TRPM3: variants seen among roughly 807,000 people sequenced by gnomAD.
The protein encoded by TRPM3 is transient receptor potential cation channel subfamily M member 3, also known as long transient receptor potential channel 3.
TRPM3 carries 77 observed loss-of-function variants against 181.2 expected under a neutral mutation model. The ratio of observed to expected loss-of-function variants is 0.42; its 90% confidence interval spans 0.35 to 0.51. The LOEUF (loss-of-function observed/expected upper bound fraction) is 0.51. Among genes scored for constraint, TRPM3 ranks in the 20% least tolerant of loss-of-function variants. TRPM3 has a pLI of 0.01. For synonymous variants in TRPM3, 745 were observed against 796.4 expected (o/e 0.94, Z 1.09); for missense variants, 1,759 against 2,196.7 (o/e 0.80, Z 3.98).
At chr9:71,225,481 G>C (rs1457956717) in intron 1 of TRPM3, among the ~76,000 whole-genome samples, 1 of 152,004 alleles carries the variant, frequency 6.6e-6, no homozygotes, top group African/African-American at 2.4e-5. Flanking sequence ...AAATACTAAA[G>C]AAAGTAGTTC....
At chr9:71,393,847 G>A (rs554717666) in intron 1 of TRPM3, among the ~76,000 whole-genome samples, 7 of 152,176 alleles carry the variant, frequency 4.6e-5, no homozygotes, top group East Asian at 3.9e-4. Context: ...ACATCTCAAC[G>A]TCACAGTTAA....
chr9:71,313,849 G>A (rs2132418572), intron 1 of TRPM3, among the ~76,000 whole-genome samples: 1 of 152,226 alleles, frequency 6.6e-6, no homozygotes, highest in African/African-American at 2.4e-5. Flanking sequence ...AATATTGAAA[G>A]AGTATAATGA....
intron 1 of TRPM3, among the ~76,000 whole-genome samples, chr9:71,048,811 ACC>A (rs1203465534): frequency 6.6e-6 from 1 of 152,130 alleles, no homozygotes; most frequent in Non-Finnish European, 1.5e-5. Context: ...GCAAAACCTC[ACC>A]TGGATGCTGA....
At chr9:71,353,385 A>G (rs942228425) in intron 1 of TRPM3, among the ~76,000 whole-genome samples, 26 of 152,058 alleles carry the variant, frequency 1.7e-4, no homozygotes, top group African/African-American at 6.0e-4. Flanking sequence ...TGGTTGAGTA[A>G]ATGGGTGAAT....
intron 1 of TRPM3, among the ~76,000 whole-genome samples, chr9:71,209,380 G>GGA (rs372185956): frequency 0.49 from 54,379 of 110,082 alleles, 12,080 homozygotes; most frequent in South Asian, 0.6. Context: ...GGGAGAAGAG[G>GGA]GGGTAGGGAG....
chr9:70,605,270 A>T (rs897822849), intron 19 of TRPM3, among the ~76,000 whole-genome samples: 1 of 152,116 alleles, frequency 6.6e-6, no homozygotes, highest in East Asian at 1.9e-4. Context: ...TAGAGTCTTA[A>T]TATGACTCCA....
chr9:71,162,448 A>G (rs1216329051), intron 1 of TRPM3, among the ~76,000 whole-genome samples: 1 of 152,048 alleles, frequency 6.6e-6, no homozygotes, highest in Non-Finnish European at 1.5e-5. Flanking sequence ...GTTTTTCTGT[A>G]TCATGCATTT....
chr9:70,773,577 TAA>T (rs1564216021), intron 7 of TRPM3, among the ~76,000 whole-genome samples: 1 of 152,106 alleles, frequency 6.6e-6, no homozygotes, highest in African/African-American at 2.4e-5. Flanking sequence ...GGGACAAATA[TAA>T]GTGTCTCTAT....
intron 1 of TRPM3, among the ~76,000 whole-genome samples, chr9:71,336,099 G>T (rs2090538548): frequency 1.3e-5 from 2 of 149,624 alleles, no homozygotes; most frequent in Admixed American, 6.7e-5. Context: ...CAAAATAATA[G>T]AACTCATTCT....
intron 1 of TRPM3, among the ~76,000 whole-genome samples, chr9:71,389,810 C>A (rs2093018203): frequency 6.6e-6 from 1 of 151,916 alleles, no homozygotes. Context: ...AAAAATGATA[C>A]AAAGGATTCT....
Position 70,639,075 on chromosome 9 carries a change from C to G in TRPM3, c.1566G>C (p.Glu522Asp). 1.9e-6 allele frequency: 3 copies of G among 1,613,800 alleles called. No homozygotes were observed. Among genetic ancestry groups the G allele is most frequent in the Non-Finnish European group, 2.5e-6 (3 of 1,179,850 alleles). ...TTGGCCCTACCGTATTGTACAATTC[C>G]TCTAGTCTGGAGATGGTGAGAAAAC... ...MHRFLTISRL[E>D]ELYNTRHGPS... is the part of the protein sequence containing the mutation. Residue 522 changes from glutamate to aspartate, a missense_variant, in exon 11 of 26, where the codon GAG (glutamate) becomes GAC (aspartate). This residue lies in a region of TRPM3 where 737 missense variants were observed against 957.4 expected (regional missense o/e 0.77). Coordinates refer to ENST00000677713, the MANE Select transcript of TRPM3 (RefSeq NM_001366145.2).
chr9:70,821,604 C>T (rs906667018), intron 6 of TRPM3, among the ~76,000 whole-genome samples: 2 of 152,100 alleles, frequency 1.3e-5, no homozygotes, highest in African/African-American at 4.8e-5. Context: ...TTATTATGAA[C>T]CTGTTTACTT....
At chr9:71,029,980 C>G (rs912693114) in intron 1 of TRPM3, among the ~76,000 whole-genome samples, 1 of 152,166 alleles carries the variant, frequency 6.6e-6, no homozygotes, top group African/African-American at 2.4e-5. Flanking sequence ...CGTGAAATCA[C>G]ATATTGAGGA....
At chr9:71,130,186 A>G (rs2074284025) in intron 1 of TRPM3, among the ~76,000 whole-genome samples, 1 of 152,168 alleles carries the variant, frequency 6.6e-6, no homozygotes, top group Non-Finnish European at 1.5e-5. Context: ...TTTCAGAGCT[A>G]TGTTTTGAAT....
At chr9:70,553,699 A>G (rs1208061482) in intron 22 of TRPM3, among the ~76,000 whole-genome samples, 1 of 152,260 alleles carries the variant, frequency 6.6e-6, no homozygotes, top group Admixed American at 6.5e-5. Context: ...AGTTACTTTC[A>G]AAATGTGCTG....
chr9:71,185,086 C>T (rs780719542), intron 1 of TRPM3, among the ~76,000 whole-genome samples: 2 of 152,032 alleles, frequency 1.3e-5, no homozygotes, highest in Non-Finnish European at 2.9e-5. Context: ...TCAGAGAAAC[C>T]AAGTGTCTTT....
At chr9:71,073,846 C>T (rs2063099898) in intron 1 of TRPM3, among the ~76,000 whole-genome samples, 1 of 152,042 alleles carries the variant, frequency 6.6e-6, no homozygotes. Flanking sequence ...GGTACAAAGG[C>T]ATTTATGATT....
At chr9:71,135,005 T>C (rs111246647) in intron 1 of TRPM3, among the ~76,000 whole-genome samples, 309 of 152,308 alleles carry the variant, frequency 2.0e-3, no homozygotes, top group African/African-American at 7.1e-3. Context: ...GAACTCTTAC[T>C]GTAAACACAG....
intron 22 of TRPM3, among the ~76,000 whole-genome samples, chr9:70,583,398 T>A (rs113281912): frequency 0.021 from 3,227 of 152,264 alleles, 47 homozygotes; most frequent in Non-Finnish European, 0.033. Context: ...ATAGTCATGA[T>A]AGAGTAGAAA....
Sources: gnomAD v4.1 joint callset for allele counts (sites outside exome capture counted in the v4.1 genomes callset) on GRCh38, gnomAD v4.1.1 for gene constraint, gnomAD v4.1.1 regional missense constraint, MANE v1.5 for transcripts, NCBI Gene and HGNC (gene_info 2026-07-23, HGNC 2026-07-21) for gene names.